ERC2: variants seen among roughly 807,000 people sequenced by gnomAD.
ERC2 encodes ELKS/RAB6-interacting/CAST family member 2.
In ERC2, 42 loss-of-function variants were observed where a neutral mutation model predicts 114.8. The ratio of observed to expected loss-of-function variants is 0.37; its 90% CI spans 0.29 to 0.47. The LOEUF is 0.47. Ranked by LOEUF, ERC2 falls within the 20% of genes least tolerant of loss-of-function variation. The pLI is 0.99. For missense variants in ERC2, 939 were observed against 1,150.7 expected (o/e 0.82, Z 2.66); for synonymous variants, 454 against 425.5 (o/e 1.07, Z -0.82).
Position 56,078,513 on chromosome 3 carries a change from A to G in ERC2, c.1641+2304T>C, listed in dbSNP as rs546555299. Among the ~76,000 whole-genome samples the G allele has an allele frequency of 3.3e-5, 5 of 152,304 alleles. No individual in the cohort carries two copies. The East Asian group carries it at 9.6e-4, about 29-fold the overall frequency. The stretch of plus-strand genomic sequence containing the variant: ...AGACAAAATCATGGGGAATATCCTA[A>G]TAGATATTAGAATGCATTGATAATC... On this transcript the variant is annotated intron_variant, in intron 7 of 17. Transcript: ENST00000288221.
In ERC2 at chr3:55,810,465, C is replaced by CT. The variant is rs11318195; in HGVS notation, c.2565-75548dup. 6.3e-3 allele frequency among the ~76,000 whole-genome samples: 925 copies of CT among 146,378 alleles called. 7 individuals are homozygous for CT. Among genetic ancestry groups the CT allele is most frequent in the Non-Finnish European group, 7.5e-3 (497 of 66,368 alleles). ...ATATGTAGAAGGTCTCTCTCTCCCT[C>CT]TTTTTTTTTTTGTTTGAGACGGAGT... On this transcript the variant is annotated intron_variant, in intron 14 of 17. Transcript: ENST00000288221.
chr3:56,269,160 C>T (rs2053503797), intron 3 of ERC2, among the ~76,000 whole-genome samples: 1 of 152,150 alleles, frequency 6.6e-6, no homozygotes, highest in Admixed American at 6.5e-5. Context: ...TGTAACACAT[C>T]CAGCTGTAAA....
At chr3:55,952,179 ACTCTCTCTCTCTCTC>A (rs2067612119) in intron 12 of ERC2, among the ~76,000 whole-genome samples, 1 of 62,110 alleles carries the variant, frequency 1.6e-5, no homozygotes, top group East Asian at 4.2e-4. Flanking sequence ...ACACACACAC[ACTCTCTCTCTCTCTC>A]TCTCTATATA....
intron 4 of ERC2, among the ~76,000 whole-genome samples, chr3:56,162,862 T>G (rs961866937): frequency 6.6e-6 from 1 of 152,126 alleles, no homozygotes; most frequent in Non-Finnish European, 1.5e-5. Flanking sequence ...GGGTCTCAAT[T>G]GTGTTCAGTT....
At chr3:55,778,901 G>C (rs1425310787) in intron 14 of ERC2, among the ~76,000 whole-genome samples, 1 of 151,974 alleles carries the variant, frequency 6.6e-6, no homozygotes, top group East Asian at 1.9e-4. Context: ...AGAATGTAAA[G>C]AAATAACTAT....
chr3:56,123,407 G>A (rs1258592023), intron 6 of ERC2, among the ~76,000 whole-genome samples: 11 of 151,760 alleles, frequency 7.2e-5, no homozygotes, highest in Non-Finnish European at 1.5e-5. Context: ...AGCCTGCTAG[G>A]ACCTTGATCT....
intron 7 of ERC2, among the ~76,000 whole-genome samples, chr3:56,075,989 A>C (rs2076951735): frequency 6.6e-6 from 1 of 152,112 alleles, no homozygotes; most frequent in Admixed American, 6.5e-5. Context: ...GGTTATCATC[A>C]TTCAGAATTT....
chr3:56,051,982 G>A (rs990700597), intron 7 of ERC2, among the ~76,000 whole-genome samples: 1 of 152,104 alleles, frequency 6.6e-6, no homozygotes, highest in Non-Finnish European at 1.5e-5. Context: ...TATAAACTAT[G>A]TTCTCTTAGG....
At chr3:55,605,939 C>A in intron 17 of ERC2, among the ~76,000 whole-genome samples, 1 of 152,186 alleles carries the variant, frequency 6.6e-6, no homozygotes, top group East Asian at 1.9e-4. Flanking sequence ...AAAAATGCAA[C>A]TCAAGAATGC....
chr3:56,240,286 C>T (rs1186525243), intron 3 of ERC2, among the ~76,000 whole-genome samples: 1 of 152,104 alleles, frequency 6.6e-6, no homozygotes, highest in South Asian at 2.1e-4. Context: ...CAAGCCAAAA[C>T]CATCAAAAGT....
At chr3:55,669,294 C>T (rs9311576) in intron 17 of ERC2, among the ~76,000 whole-genome samples, 1,996 of 152,286 alleles carry the variant, frequency 0.013, 50 homozygotes, top group African/African-American at 0.046. Context: ...ACATGAAACA[C>T]AAAGAACCCA....
Position 55,932,297 on chromosome 3 carries a change from C to T in ERC2, c.2403+18128G>A, listed in dbSNP as rs1044626100. 7.9e-5 allele frequency among the ~76,000 whole-genome samples: 12 copies of T among 152,006 alleles called. 1 individual carries two copies. The highest frequency in any genetic ancestry group is 5.9e-4 in the Admixed American group (9 of 15,272). ...AGTATTTTAAAGAATTTCTATGTAC[C>T]GAGAAGAACTTTAAAGCAGATGAAG... On this transcript the variant is annotated intron_variant, in intron 13 of 17. Coordinates refer to ENST00000288221, the MANE Select transcript of ERC2 (RefSeq NM_015576.3).
At chr3:55,528,555 T>G (rs1165716433) in intron 17 of ERC2, among the ~76,000 whole-genome samples, 1 of 152,210 alleles carries the variant, frequency 6.6e-6, no homozygotes, top group Non-Finnish European at 1.5e-5. Context: ...ATTTTAGCAC[T>G]CTCACAAGGC....
intron 7 of ERC2, among the ~76,000 whole-genome samples, chr3:56,047,133 C>T (rs555770768): frequency 4.4e-4 from 67 of 152,278 alleles, no homozygotes; most frequent in Middle Eastern, 3.4e-3. Flanking sequence ...AAGCAATCTG[C>T]TTTTGTCTAT....
chr3:56,181,855 G>C (rs759044078), intron 3 of ERC2, among the ~76,000 whole-genome samples: 5 of 152,158 alleles, frequency 3.3e-5, no homozygotes, highest in Non-Finnish European at 7.3e-5. Flanking sequence ...TGTGTGACAG[G>C]AAACTGAGGC....
At chr3:56,209,772 C>T (rs1207322996) in intron 3 of ERC2, among the ~76,000 whole-genome samples, 1 of 152,048 alleles carries the variant, frequency 6.6e-6, no homozygotes, top group Non-Finnish European at 1.5e-5. Flanking sequence ...TCATTTTTAA[C>T]CTACAGACAA....
rs535834721 is a variant in ERC2, at chr3:55,516,838, C to A, written c.*40-5562G>T. ...TTGTTGCGTGCTATCTGCCACCACC[C>A]TCTGTGTTTTGCATTAATTATCTGA... On this transcript the variant is annotated intron_variant, in intron 17 of 17. Transcript: ENST00000288221. 3.3e-5 allele frequency among the ~76,000 whole-genome samples: 5 copies of A among 152,322 alleles called. 1 individual carries two copies. In the South Asian group the frequency reaches 1.0e-3, roughly 32 times the overall value.
In ERC2 at chr3:56,461,642, G is replaced by T. The variant is rs139721849; in HGVS notation, c.-141+6606C>A. ...TGGAATAACAAAGGGATTTGTTAAA[G>T]ATGATGCACAAATAAAACATCTGAA... is the stretch of plus-strand genomic sequence containing the variant. On this transcript the variant is annotated intron_variant, in intron 1 of 17. Coordinates refer to ENST00000288221, the MANE Select transcript of ERC2 (RefSeq NM_015576.3). 1.2e-4 allele frequency among the ~76,000 whole-genome samples: 18 copies of T among 152,316 alleles called. No individual in the cohort carries two copies. In the East Asian group the frequency reaches 1.9e-3, roughly 16 times the overall value.
chr3:55,736,642 C>T (rs970393061), intron 14 of ERC2, among the ~76,000 whole-genome samples: 5 of 152,106 alleles, frequency 3.3e-5, no homozygotes, highest in South Asian at 4.1e-4. Flanking sequence ...CAGCACATAG[C>T]GAGTGCTCAA....
Sources: allele counts gnomAD v4.1 joint callset (sites outside exome capture counted in the v4.1 genomes callset), GRCh38; gene constraint gnomAD v4.1.1; transcripts MANE v1.5; gene names NCBI Gene and HGNC (gene_info 2026-07-23, HGNC 2026-07-21).